Variants in TACR1 observed in about 807,000 individuals in gnomAD.
TACR1 encodes tachykinin receptor 1, also known as substance-P receptor.
In TACR1, 25 loss-of-function variants were observed where a neutral mutation model predicts 35.8. The observed-to-expected ratio is 0.70, with a 90% confidence interval of 0.51 to 0.98. The LOEUF (loss-of-function observed/expected upper bound fraction) is 0.98, where lower values mean the gene tolerates loss of function less well. TACR1 is among the 50% of genes least tolerant of loss of function. The pLI is 0.00. For missense variants in TACR1, 478 were observed against 522.9 expected (o/e 0.91, Z 0.84); for synonymous variants, 195 against 206.7 (o/e 0.94, Z 0.48).
intron 1 of TACR1, among the ~76,000 whole-genome samples, chr2:75,170,332 A>G (rs1025240099): frequency 6.6e-6 from 1 of 152,196 alleles, no homozygotes; most frequent in Non-Finnish European, 1.5e-5. Flanking sequence ...TTTGCTACTC[A>G]TTTGTCTTCA....
At chr2:75,113,394 A>G (rs534967504) in intron 2 of TACR1, among the ~76,000 whole-genome samples, 108 of 152,290 alleles carry the variant, frequency 7.1e-4, no homozygotes, top group Middle Eastern at 3.4e-3. Context: ...TGTAGAGGCC[A>G]TAAAGCACTT....
chr2:75,139,645 T>G (rs1674363036), intron 1 of TACR1, among the ~76,000 whole-genome samples: 1 of 152,204 alleles, frequency 6.6e-6, no homozygotes, highest in Non-Finnish European at 1.5e-5. Flanking sequence ...TGTCAGAGCT[T>G]TATTTTCCCA....
rs1180542898 is a variant in TACR1, at chr2:75,147,858, C to T, written c.390-27090G>A. Among the ~76,000 whole-genome samples the T allele has an allele frequency of 2.0e-5, 3 of 151,956 alleles. No homozygotes were observed. The South Asian group carries it at 6.2e-4, about 31-fold the overall frequency. On this transcript the variant is annotated intron_variant, in intron 1 of 4. Coordinates refer to ENST00000305249, the MANE Select transcript of TACR1 (RefSeq NM_001058.4). Reference sequence around the variant, plus strand: ...TCCCCAGGTTCAAGCGATTCTCCTGCCTCAGCCTCAGGAGTAGCTGGGAGT... The same window carrying T: ...TCCCCAGGTTCAAGCGATTCTCCTGTCTCAGCCTCAGGAGTAGCTGGGAGT...
At chr2:75,114,617 A>G (rs1473358116) in intron 2 of TACR1, among the ~76,000 whole-genome samples, 1 of 152,200 alleles carries the variant, frequency 6.6e-6, no homozygotes, top group Non-Finnish European at 1.5e-5. Flanking sequence ...GGGTCAGTGC[A>G]TTTTGCAAAG....
At chr2:75,073,607 A>G (rs1672921787) in intron 2 of TACR1, among the ~76,000 whole-genome samples, 1 of 152,170 alleles carries the variant, frequency 6.6e-6, no homozygotes. Flanking sequence ...GGCTGGTGTC[A>G]GGTGTCGGGT....
At chr2:75,143,583 A>G (rs1674451184) in intron 1 of TACR1, among the ~76,000 whole-genome samples, 1 of 152,234 alleles carries the variant, frequency 6.6e-6, no homozygotes, top group African/African-American at 2.4e-5. Context: ...AGGTGCTGTC[A>G]CTAAGCTGCA....
At chr2:75,051,211 C>T in intron 4 of TACR1, 40 bp downstream of exon 4, 2 of 1,613,794 alleles carry the variant, frequency 1.2e-6, no homozygotes, top group Non-Finnish European at 8.5e-7. Context: ...TGTAGATGGT[C>T]TTGTGGCCCC....
At chr2:75,142,152 C>G (rs1035323942) in intron 1 of TACR1, among the ~76,000 whole-genome samples, 3 of 152,108 alleles carry the variant, frequency 2.0e-5, no homozygotes, top group Non-Finnish European at 4.4e-5. Flanking sequence ...AGATGAAGCT[C>G]AATCCTAGAG....
intron 1 of TACR1, among the ~76,000 whole-genome samples, chr2:75,177,728 A>G (rs1675460022): frequency 6.6e-6 from 1 of 152,106 alleles, no homozygotes; most frequent in African/African-American, 2.4e-5. Flanking sequence ...CAAAACCCCA[A>G]TGCTAATAAT....
At chr2:75,126,941 A>C (rs112146936) in intron 1 of TACR1, among the ~76,000 whole-genome samples, 2,179 of 152,340 alleles carry the variant, frequency 0.014, 48 homozygotes, top group African/African-American at 0.049. Flanking sequence ...CCTCACTGAG[A>C]TACCATCTCA....
intron 1 of TACR1, chr2:75,189,231 G>A (rs1675784405): frequency 6.6e-6 from 1 of 152,202 alleles, no homozygotes; most frequent in Admixed American, 6.5e-5. Context: ...CACTGTGAGA[G>A]GGGCTCAGGT....
chr2:75,091,419 C>A (rs1673309860), intron 2 of TACR1, among the ~76,000 whole-genome samples: 1 of 152,098 alleles, frequency 6.6e-6, no homozygotes, highest in African/African-American at 2.4e-5. Context: ...CCAATAATAA[C>A]ATGACATTTC....
chr2:75,070,076 A>G (rs1047501502), intron 2 of TACR1, among the ~76,000 whole-genome samples: 7 of 152,058 alleles, frequency 4.6e-5, no homozygotes, highest in African/African-American at 1.7e-4. Context: ...TTATTCATTC[A>G]TTCCTTTATA....
chr2:75,050,848 C>T (rs1481334243), intron 4 of TACR1, among the ~76,000 whole-genome samples: 2 of 152,196 alleles, frequency 1.3e-5, no homozygotes, highest in Non-Finnish European at 2.9e-5. Flanking sequence ...TTTCTGCATG[C>T]ATAGCCCGCT....
chr2:75,071,925 T>G (rs1255568313), intron 2 of TACR1, among the ~76,000 whole-genome samples: 1 of 152,186 alleles, frequency 6.6e-6, no homozygotes, highest in Admixed American at 6.5e-5. Context: ...ATGAGCAATT[T>G]CAGTGTCGGG....
intron 1 of TACR1, among the ~76,000 whole-genome samples, chr2:75,130,666 G>A (rs1674160566): frequency 6.6e-6 from 1 of 152,202 alleles, no homozygotes; most frequent in Admixed American, 6.5e-5. Flanking sequence ...TGTGTAACTT[G>A]CACAAAATGA....
chr2:75,123,058 T>C (rs1316742275), intron 1 of TACR1, among the ~76,000 whole-genome samples: 2 of 152,160 alleles, frequency 1.3e-5, no homozygotes, highest in Non-Finnish European at 2.9e-5. Flanking sequence ...ATCGTTGCCG[T>C]CTTTCCAATT....
Position 75,090,045 on chromosome 2 carries a change from T to C in TACR1, c.584+30529A>G, listed in dbSNP as rs567308255. Reference sequence around the variant, plus strand: ...AAGAAGAGTGTTAGGACTTACCACATACATTTGCTAAAACAAATATACTCC... The same window carrying C: ...AAGAAGAGTGTTAGGACTTACCACACACATTTGCTAAAACAAATATACTCC... On this transcript the variant is annotated intron_variant, in intron 2 of 4. Coordinates refer to ENST00000305249, the MANE Select transcript of TACR1 (RefSeq NM_001058.4). Among the ~76,000 whole-genome samples, 58 of 152,314 alleles carry C rather than the reference T, an allele frequency of 3.8e-4. No homozygotes were observed. The South Asian group carries it at 0.012, about 31-fold the overall frequency.
chr2:75,097,672 C>T (rs1025118250), intron 2 of TACR1, among the ~76,000 whole-genome samples: 2 of 152,124 alleles, frequency 1.3e-5, no homozygotes, highest in African/African-American at 4.8e-5. Context: ...CTGTCCATGC[C>T]CAGGGTCACC....
Sources: allele counts gnomAD v4.1 joint callset (sites outside exome capture counted in the v4.1 genomes callset), GRCh38; gene constraint gnomAD v4.1.1; transcripts MANE v1.5; gene names NCBI Gene and HGNC (gene_info 2026-07-23, HGNC 2026-07-21).